Variants in MARS1 observed in about 807,000 individuals in gnomAD.
MARS1 encodes the protein methionyl-tRNA synthetase 1.
In MARS1, 80 loss-of-function variants were observed where a neutral mutation model predicts 119.5. The ratio of observed to expected loss-of-function variants is 0.67; its 90% CI spans 0.56 to 0.81. MARS1 has a LOEUF of 0.81. MARS1 is among the 30% of genes least tolerant of loss of function. The pLI, the probability that MARS1 is intolerant of heterozygous loss-of-function variation, is 0.00. For synonymous variants in MARS1, 418 were observed against 433.4 expected (o/e 0.96, Z 0.44); for missense variants, 945 against 1,116.5 (o/e 0.85, Z 2.19).
chr12:57,498,765 C>T (rs1226214133), intron 9 of MARS1, 142 bp downstream of exon 9: 2 of 757,702 alleles, frequency 2.6e-6, no homozygotes, highest in Non-Finnish European at 4.5e-6. Context: ...GGGCAGTTAT[C>T]CAGGCATTTT....
chr12:57,510,944 C>T (rs1482901938), intron 11 of MARS1, among the ~76,000 whole-genome samples: 1 of 151,896 alleles, frequency 6.6e-6, no homozygotes, highest in Non-Finnish European at 1.5e-5. Context: ...TGTGGTGGCA[C>T]GTGCCTGTAG....
chr12:57,500,362 T>C lies in MARS1; in HGVS notation c.1133T>C (p.Phe378Ser). ...TTCCAGCAGTTGCTGAAACGAGGTT[T>C]TGTGCTGCAAGATACTGTGGAGCAA... is the stretch of plus-strand genomic sequence containing the variant. ...DIFQQLLKRGFVLQDTVEQLR... is the reference protein window; with the variant it reads ...DIFQQLLKRGSVLQDTVEQLR... The change falls in exon 10 of 21, where the codon TTT (phenylalanine) becomes TCT (serine). Residue 378 changes from phenylalanine to serine, a missense_variant. Physicochemically the swap from Phe to Ser is radical, Grantham distance 155 (BLOSUM62 -2). Coordinates refer to ENST00000262027, the MANE Select transcript of MARS1 (RefSeq NM_004990.4). 1 of 1,614,202 alleles carries C rather than the reference T, an allele frequency of 6.2e-7. No homozygotes were observed. Among genetic ancestry groups the C allele is most frequent in the Non-Finnish European group, 8.5e-7 (1 of 1,180,028 alleles).
chr12:57,512,627 A>G (rs1877576368), intron 14 of MARS1, 124 bp from the exon 15 acceptor site: 1 of 806,068 alleles, frequency 1.2e-6, no homozygotes. Flanking sequence ...CAGCCCCTTA[A>G]GGAGAAATGT....
intron 7 of MARS1, among the ~76,000 whole-genome samples, chr12:57,491,446 T>C (rs1875954472): frequency 6.6e-6 from 1 of 152,212 alleles, no homozygotes; most frequent in Non-Finnish European, 1.5e-5. Flanking sequence ...GACTTCTTCG[T>C]TTCTCCCTAG....
At chr12:57,502,209 A>G (rs1196929926) in intron 10 of MARS1, among the ~76,000 whole-genome samples, 1 of 152,180 alleles carries the variant, frequency 6.6e-6, no homozygotes, top group Non-Finnish European at 1.5e-5. Flanking sequence ...TGGCCTGAGT[A>G]GATGGTAGTA....
At position 57,509,989 on chromosome 12, in the gene MARS1, AGG is replaced by A. The variant is rs1877427347; in HGVS notation, c.1369-1707_1369-1706del. ...CAATCCTGATTCCTCCCCTAGACTAAGGGTATATAGCCAAGTGTGTTCAAACA... is the reference window on the plus strand; with the variant it reads ...CAATCCTGATTCCTCCCCTAGACTAAGTATATAGCCAAGTGTGTTCAAACA... On this transcript the variant is annotated intron_variant, in intron 11 of 20. Coordinates refer to ENST00000262027, the MANE Select transcript of MARS1 (RefSeq NM_004990.4). Among the ~76,000 whole-genome samples the A allele has an allele frequency of 4.6e-5, 7 of 152,244 alleles. No individual in the cohort carries two copies. In the South Asian group the frequency reaches 8.3e-4, roughly 18 times the overall value.
At chr12:57,498,331 A>G in intron 8 of MARS1, 58 bp downstream of exon 8, 3 of 1,597,032 alleles carry the variant, frequency 1.9e-6, no homozygotes, top group Non-Finnish European at 2.6e-6. Flanking sequence ...CCAGGGGAAT[A>G]GGATGCTTCA....
chr12:57,513,920 G>A (rs896588970), intron 15 of MARS1, among the ~76,000 whole-genome samples: 4 of 147,424 alleles, frequency 2.7e-5, no homozygotes, highest in Non-Finnish European at 4.5e-5. Flanking sequence ...AAAAGTAGCC[G>A]GGCGTGGTGG....
chr12:57,507,609 G>T (rs1168671899), intron 11 of MARS1, among the ~76,000 whole-genome samples: 1 of 139,170 alleles, frequency 7.2e-6, no homozygotes, highest in Non-Finnish European at 1.6e-5. Context: ...CCGGGCGGGG[G>T]TCTGGCCCCC....
intron 7 of MARS1, 136 bp downstream of exon 7, chr12:57,490,780 CTTTTTTTTT>C (rs35674919): frequency 3.0e-4 from 77 of 255,610 alleles, no homozygotes; most frequent in African/African-American, 2.2e-3. Flanking sequence ...TCTTACATCT[CTTTTTTTTT>C]TTTTTTTTTT....
At chr12:57,514,618 G>A (rs1199599791) in intron 15 of MARS1, 102 bp from the exon 16 acceptor site, 1 of 1,461,434 alleles carries the variant, frequency 6.8e-7, no homozygotes, top group Non-Finnish European at 9.5e-7. Context: ...CAGGAATCCT[G>A]AGAGAATGTA....
chr12:57,510,074 C>T (rs1415798021), intron 11 of MARS1, among the ~76,000 whole-genome samples: 1 of 152,148 alleles, frequency 6.6e-6, no homozygotes, highest in African/African-American at 2.4e-5. Flanking sequence ...TGCAGTGGCA[C>T]AATCACAGCT....
chr12:57,511,950 G>A, intron 12 of MARS1, 58 bp from the exon 13 acceptor site: 1 of 1,605,502 alleles, frequency 6.2e-7, no homozygotes, highest in Non-Finnish European at 8.5e-7. Flanking sequence ...ATTATGTCTT[G>A]TTTCAGTTTG....
At chr12:57,515,428 T>TA in intron 18 of MARS1, 92 bp downstream of exon 18, 1 of 1,308,462 alleles carries the variant, frequency 7.6e-7, no homozygotes, top group Non-Finnish European at 1.0e-6. Context: ...TCTCCAGTGT[T>TA]ACTTTGGTCA....
intron 15 of MARS1, among the ~76,000 whole-genome samples, chr12:57,513,614 CA>C (rs34526594): frequency 0.07 from 5,187 of 74,438 alleles, 65 homozygotes; most frequent in Non-Finnish European, 0.079. Context: ...GATCCTGTCT[CA>C]AAAAAAAAAA....
intron 9 of MARS1, among the ~76,000 whole-genome samples, chr12:57,498,918 ACTT>A (rs1313295476): frequency 6.6e-6 from 1 of 152,224 alleles, no homozygotes; most frequent in East Asian, 1.9e-4. Flanking sequence ...AGTCTAAGAC[ACTT>A]CTTCCCACTC....
In MARS1 at chr12:57,503,550, C is replaced by CT. The variant is rs1157697922; in HGVS notation, c.1294-661dup. Reference sequence around the variant, plus strand: ...GCTCAGCCACATTTGTGTCTTTTTCCTTTTTTTTTTTTTTGAGACAGAGTC... The same window carrying CT: ...GCTCAGCCACATTTGTGTCTTTTTCCTTTTTTTTTTTTTTTGAGACAGAGTC... On this transcript the variant is annotated intron_variant, in intron 10 of 20. Coordinates refer to ENST00000262027, the MANE Select transcript of MARS1 (RefSeq NM_004990.4). Among the ~76,000 whole-genome samples, 311 of 140,302 alleles carry CT rather than the reference C, an allele frequency of 2.2e-3. 2 individuals carry two copies. Among genetic ancestry groups the CT allele is most frequent in the East Asian group, 4.1e-3 (20 of 4,836 alleles). 92.0% of individuals were successfully genotyped at this position (140,302 alleles called of 152,430 possible).
rs775577776 is a variant in MARS1, at chr12:57,490,618, C to T, written c.744C>T (p.Pro248=). The stretch of plus-strand genomic sequence containing the variant: ...GGGAGAAGGGCCTAGAAAGTTTGCC[C>T]CCGCTGCGGCCCCAGCAGAATCCAG... ...TAWEKGLESL[P]PLRPQQNPVL... Residue 248 remains proline, a synonymous_variant, in exon 7 of 21, where the codon CCC becomes CCT. Transcript: ENST00000262027. 3 of 1,613,872 alleles carry T rather than the reference C, an allele frequency of 1.9e-6. No individual in the cohort carries two copies. In the South Asian group the frequency reaches 3.3e-5, roughly 18 times the overall value.
intron 7 of MARS1, among the ~76,000 whole-genome samples, chr12:57,495,546 A>T (rs1297101241): frequency 6.7e-6 from 1 of 149,754 alleles, no homozygotes. Context: ...GGCTCCTCAC[A>T]TCCCAGACGA....
Sources: gnomAD v4.1 joint callset for allele counts (sites outside exome capture counted in the v4.1 genomes callset) on GRCh38, gnomAD v4.1.1 for gene constraint, MANE v1.5 for transcripts, NCBI Gene and HGNC (gene_info 2026-07-23, HGNC 2026-07-21) for gene names.